CTNNA2: variants seen among roughly 807,000 people sequenced by gnomAD.
CTNNA2 encodes catenin alpha 2, also known as catenin alpha-2.
A neutral mutation model predicts 101.0 loss-of-function variants in CTNNA2; 42 were observed. The ratio of observed to expected loss-of-function variants is 0.42; its 90% CI spans 0.32 to 0.54. The LOEUF (loss-of-function observed/expected upper bound fraction) is 0.54. Among genes scored for constraint, CTNNA2 ranks in the 20% least tolerant of loss-of-function variants. CTNNA2 has a pLI of 0.14. For synonymous variants in CTNNA2, 450 were observed against 456.4 expected, an observed-to-expected ratio of 0.99 and a Z score of 0.18; for missense variants, 871 against 1,223.1, an observed-to-expected ratio of 0.71 and a Z score of 4.29.
chr2:80,375,367 C>G (rs376374199), intron 7 of CTNNA2, among the ~76,000 whole-genome samples: 1 of 151,816 alleles, frequency 6.6e-6, no homozygotes, highest in East Asian at 1.9e-4. Context: ...ATAAACCTGG[C>G]TTTGTGTTTG....
rs543843035 is a variant in CTNNA2, at chr2:80,088,848, G to A, written c.1056+179051G>A. On this transcript the variant is annotated intron_variant, in intron 7 of 18. Transcript: ENST00000402739. ...AGACCCTGAGACTTTGGCTTAAATC[G>A]CTGTTAACTGAGACCTACAGCTCTT... is the stretch of plus-strand genomic sequence containing the variant. 3.9e-5 allele frequency among the ~76,000 whole-genome samples: 6 copies of A among 152,130 alleles called. No individual in the cohort carries two copies. The East Asian group carries it at 5.8e-4, about 15-fold the overall frequency.
At position 79,239,932 on chromosome 2, in the gene CTNNA2, C is replaced by CTTTTT. The variant is rs746189807; in HGVS notation, c.-406+41859_-406+41860insTTTTT. Among the ~76,000 whole-genome samples the CTTTTT allele has an allele frequency of 4.6e-5, 5 of 109,266 alleles. 1 individual carries two copies. The highest frequency in any genetic ancestry group is 3.9e-5 in the Non-Finnish European group (2 of 50,938). The allele number at this position is 109,266 out of a possible 152,430, so 71.7% of individuals were successfully genotyped here. A position where few individuals can be genotyped will look rare whatever the true frequency, so the allele number is the denominator to read the frequency against. On this transcript the variant is annotated intron_variant, in intron 2 of 21. Coordinates refer to the CTNNA2 transcript ENST00000466387. The stretch of plus-strand genomic sequence containing the variant: ...ATACATTTAGGCCAGTTTTCTTTTT[C>CTTTTT]TTTCTTTTTTTTTTTTTGAGATGGA...
chr2:80,385,293 A>G (rs573749900), intron 7 of CTNNA2, among the ~76,000 whole-genome samples: 1 of 152,252 alleles, frequency 6.6e-6, no homozygotes, highest in African/African-American at 2.4e-5. Context: ...TGATTATGTC[A>G]TGAGGGTGGA....
intron 7 of CTNNA2, among the ~76,000 whole-genome samples, chr2:79,995,677 G>T (rs1692489457): frequency 6.6e-6 from 1 of 152,072 alleles, no homozygotes; most frequent in East Asian, 1.9e-4. Context: ...AGCCAGACAT[G>T]GTGGTGCATC....
chr2:79,312,470 T>A (rs1676397996), intron 2 of CTNNA2, among the ~76,000 whole-genome samples: 1 of 152,212 alleles, frequency 6.6e-6, no homozygotes, highest in African/African-American at 2.4e-5. Context: ...AGCAAGTATT[T>A]ATTGAGTACT....
At chr2:79,212,862 T>G (rs1375811503) in intron 2 of CTNNA2, among the ~76,000 whole-genome samples, 1 of 152,044 alleles carries the variant, frequency 6.6e-6, no homozygotes, top group East Asian at 1.9e-4. Context: ...GGAAAGGGAG[T>G]GGGCCTGAAT....
chr2:79,443,399 CT>C (rs902335153), intron 4 of CTNNA2, among the ~76,000 whole-genome samples: 12 of 151,578 alleles, frequency 7.9e-5, no homozygotes, highest in East Asian at 1.9e-4. Context: ...CCTTCCTCCA[CT>C]TTTTTTTTCT....
At chr2:79,457,326 G>C (rs868429099) in intron 4 of CTNNA2, among the ~76,000 whole-genome samples, 111 of 152,076 alleles carry the variant, frequency 7.3e-4, no homozygotes, top group African/African-American at 2.4e-3. Context: ...CCTTTCCAAA[G>C]TCCACAGCAA....
chr2:79,503,279 AAAC>A (rs1383318353), intron 4 of CTNNA2, among the ~76,000 whole-genome samples: 6 of 152,170 alleles, frequency 3.9e-5, no homozygotes, highest in African/African-American at 1.4e-4. Context: ...TATTAGGGTA[AAAC>A]AATATCATAT....
intron 1 of CTNNA2, chr2:79,195,698 C>T: frequency 2.5e-6 from 1 of 404,894 alleles, no homozygotes. Context: ...CCCTTCCATC[C>T]ACTACTTCTG....
intron 11 of CTNNA2, among the ~76,000 whole-genome samples, chr2:80,548,493 C>A (rs1474222648): frequency 6.6e-6 from 1 of 152,154 alleles, no homozygotes; most frequent in African/African-American, 2.4e-5. Flanking sequence ...CCTCTTTGCT[C>A]CCTTTTCTCC....
rs111710700 is a variant in CTNNA2, at chr2:80,240,550, T to C, written c.1057-152661T>C. Among the ~76,000 whole-genome samples the C allele has an allele frequency of 7.8e-3, 1,185 of 152,302 alleles. 20 individuals carry two copies. The highest frequency in any genetic ancestry group is 0.027 in the African/African-American group (1,117 of 41,564). The stretch of plus-strand genomic sequence containing the variant: ...CACCCAATCTCTTTGGCTCCCATGG[T>C]ACATTAACATATATTCGTACTCATT... On this transcript the variant is annotated intron_variant, in intron 7 of 18. Coordinates refer to ENST00000402739, the MANE Select transcript of CTNNA2 (RefSeq NM_001282597.3).
intron 7 of CTNNA2, among the ~76,000 whole-genome samples, chr2:80,360,217 G>A (rs1412054068): frequency 1.3e-5 from 2 of 152,056 alleles, no homozygotes; most frequent in East Asian, 3.9e-4. Flanking sequence ...GTTTATATAT[G>A]CTGAAAAGTT....
chr2:79,359,580 C>T lies in CTNNA2; in HGVS notation c.-317-14251C>T, dbSNP rs113869872. Among the ~76,000 whole-genome samples, 311 of 152,228 alleles carry T rather than the reference C, an allele frequency of 2.0e-3. 3 individuals carry two copies. Among genetic ancestry groups the T allele is most frequent in the African/African-American group, 6.9e-3 (286 of 41,548 alleles). ...AGGCTCATGCTGAATAGGAGGAAAA[C>T]CCCTTCATGGGAAGCCCCTGGAGAG... On this transcript the variant is annotated intron_variant, in intron 3 of 21. Transcript: ENST00000466387.
At chr2:79,753,188 A>G (rs2861906) in intron 3 of CTNNA2, among the ~76,000 whole-genome samples, 1 of 151,922 alleles carries the variant, frequency 6.6e-6, no homozygotes, top group Non-Finnish European at 1.5e-5. Flanking sequence ...TACTCCTTTC[A>G]TGGATGCTGC....
chr2:80,278,233 A>G (rs369321233), intron 7 of CTNNA2, among the ~76,000 whole-genome samples: 4 of 152,180 alleles, frequency 2.6e-5, no homozygotes, highest in African/African-American at 7.2e-5. Flanking sequence ...GATGTATATG[A>G]TGTATTATTA....
At chr2:79,922,414 T>C (rs2104385400) in intron 7 of CTNNA2, among the ~76,000 whole-genome samples, 1 of 152,208 alleles carries the variant, frequency 6.6e-6, no homozygotes, top group South Asian at 2.1e-4. Context: ...TCCTGAAAAA[T>C]AGACAGATAC....
chr2:79,246,967 C>T (rs1270006847), intron 2 of CTNNA2, among the ~76,000 whole-genome samples: 1 of 152,224 alleles, frequency 6.6e-6, no homozygotes, highest in Admixed American at 6.5e-5. Context: ...AAAGCTAGGG[C>T]TCATGGCCTT....
chr2:80,423,978 T>C (rs1332333221), intron 9 of CTNNA2, among the ~76,000 whole-genome samples: 1 of 151,976 alleles, frequency 6.6e-6, no homozygotes, highest in Non-Finnish European at 1.5e-5. Flanking sequence ...TTTTTTGAGA[T>C]GGAGTCTCGC....
Sources: gnomAD v4.1 joint callset for allele counts (sites outside exome capture counted in the v4.1 genomes callset) on GRCh38, gnomAD v4.1.1 for gene constraint, MANE v1.5 for transcripts, NCBI Gene and HGNC (gene_info 2026-07-23, HGNC 2026-07-21) for gene names.